COLGALT2: variants seen among roughly 807,000 people sequenced by gnomAD.
The protein encoded by COLGALT2 is procollagen galactosyltransferase 2.
Under a neutral mutation model 73.4 loss-of-function variants are expected in COLGALT2, and 49 were observed. That is an observed-to-expected ratio of 0.67 (90% CI 0.53 to 0.85). COLGALT2 has a LOEUF of 0.85. Ranked by LOEUF, COLGALT2 falls within the 40% of genes least tolerant of loss-of-function variation. COLGALT2 has a pLI of 0.00. For missense variants in COLGALT2, 722 were observed against 790.2 expected (o/e 0.91, Z 1.03); for synonymous variants, 295 against 307.6 (o/e 0.96, Z 0.43).
At chr1:183,958,863 T>TA (rs1670622110) in intron 6 of COLGALT2, among the ~76,000 whole-genome samples, 1 of 151,606 alleles carries the variant, frequency 6.6e-6, no homozygotes, top group Non-Finnish European at 1.5e-5. Flanking sequence ...TCTATTTTTT[T>TA]AAAAAAACAG....
chr1:183,952,451 T>G (rs1229244763), intron 7 of COLGALT2, among the ~76,000 whole-genome samples: 1 of 152,212 alleles, frequency 6.6e-6, no homozygotes, highest in Non-Finnish European at 1.5e-5. Flanking sequence ...ACAGGTGGTT[T>G]ATAATAAAGT....
At chr1:183,950,352 C>T (rs1284276773) in intron 8 of COLGALT2, among the ~76,000 whole-genome samples, 1 of 151,404 alleles carries the variant, frequency 6.6e-6, no homozygotes, top group Non-Finnish European at 1.5e-5. Flanking sequence ...TGGAGTTATG[C>T]AAATAGAAAA....
rs775167400 is a variant in COLGALT2, at chr1:183,951,092, G to A, written c.1051C>T (p.Arg351Cys). The change falls in exon 8 of 12, where the codon CGC (arginine) becomes TGC (cysteine). Residue 351 changes from arginine (R) to cysteine (C), a missense_variant. Transcript: ENST00000361927. ...ATCCGGTCCCGCCTGTCCTTTCTGC[G>A]TTTGAGGTTTATCATGAAAATCTAA... Reference protein sequence around the residue: ...FDEIFMINLKRRKDRRDRMLR... With the variant: ...FDEIFMINLKCRKDRRDRMLR... 3 of 1,613,226 alleles carry A rather than the reference G, an allele frequency of 1.9e-6. No individual in the cohort carries two copies. The highest frequency in any genetic ancestry group is 1.1e-5 in the South Asian group (1 of 90,994).
chr1:183,944,317 C>A lies in COLGALT2; in HGVS notation c.1276G>T (p.Asp426Tyr). 6.2e-7 allele frequency: 1 copy of A among 1,611,904 alleles called. No homozygotes were observed. The highest frequency in any genetic ancestry group is 1.7e-5 in the Admixed American group (1 of 59,512). Reference sequence around the variant, plus strand: ...ACAAGAGTCTTCTCTAGCTCTCGATCAATTACCTGCAAAAGTCATCAGTAG... The same window carrying A: ...ACAAGAGTCTTCTCTAGCTCTCGATAAATTACCTGCAAAAGTCATCAGTAG... ...SHYSVWKEVI[D>Y]RELEKTLVIE... Residue 426 changes from aspartate (D) to tyrosine (Y), a missense_variant, in exon 10 of 12, where the codon GAT becomes TAT. Coordinates refer to ENST00000361927, the MANE Select transcript of COLGALT2 (RefSeq NM_015101.4).
chr1:183,959,073 T>G (rs1241507695), intron 6 of COLGALT2, among the ~76,000 whole-genome samples: 2 of 152,136 alleles, frequency 1.3e-5, no homozygotes, highest in East Asian at 3.9e-4. Flanking sequence ...GACCTCTCTC[T>G]TGACAGAACC....
At chr1:183,953,552 G>C (rs144851175) in intron 7 of COLGALT2, among the ~76,000 whole-genome samples, 3 of 152,178 alleles carry the variant, frequency 2.0e-5, no homozygotes, top group African/African-American at 7.2e-5. Flanking sequence ...CTAGGGAACC[G>C]AGAGAGAGCT....
At chr1:184,024,188 T>C (rs1649259635) in intron 1 of COLGALT2, among the ~76,000 whole-genome samples, 1 of 152,056 alleles carries the variant, frequency 6.6e-6, no homozygotes, top group African/African-American at 2.4e-5. Context: ...GCAACCCTCA[T>C]TGTACAGGTA....
intron 6 of COLGALT2, among the ~76,000 whole-genome samples, chr1:183,959,234 A>G (rs1572638683): frequency 6.6e-6 from 1 of 152,136 alleles, no homozygotes; most frequent in Non-Finnish European, 1.5e-5. Flanking sequence ...CTTTTACTAC[A>G]TGAGTTCAGA....
intron 1 of COLGALT2, among the ~76,000 whole-genome samples, chr1:183,989,274 A>C (rs1671569751): frequency 6.6e-6 from 1 of 152,240 alleles, no homozygotes; most frequent in Non-Finnish European, 1.5e-5. Flanking sequence ...TGGGTGGAGC[A>C]GCTGAAACAG....
chr1:184,007,464 C>A (rs575860714), intron 1 of COLGALT2, among the ~76,000 whole-genome samples: 30 of 152,104 alleles, frequency 2.0e-4, no homozygotes, highest in Non-Finnish European at 3.7e-4. Context: ...TACATAAAAT[C>A]ATGGTATATC....
chr1:183,962,834 C>T (rs1272488750), intron 6 of COLGALT2, among the ~76,000 whole-genome samples: 1 of 152,210 alleles, frequency 6.6e-6, no homozygotes, highest in Non-Finnish European at 1.5e-5. Context: ...TTCAACCTGA[C>T]ATTTCTGTGC....
chr1:184,020,771 C>T (rs1649156311), intron 1 of COLGALT2, among the ~76,000 whole-genome samples: 1 of 152,170 alleles, frequency 6.6e-6, no homozygotes, highest in South Asian at 2.1e-4. Flanking sequence ...TACATCTGTA[C>T]CACCAGCATC....
At chr1:183,939,988 C>T (rs908466414) in intron 11 of COLGALT2, among the ~76,000 whole-genome samples, 5 of 152,168 alleles carry the variant, frequency 3.3e-5, no homozygotes, top group African/African-American at 1.2e-4. Context: ...TTTTGATAAG[C>T]GCTAGGTCAG....
intron 7 of COLGALT2, among the ~76,000 whole-genome samples, chr1:183,951,610 A>T (rs1335674955): frequency 1.3e-5 from 2 of 152,212 alleles, no homozygotes. Flanking sequence ...CTACAAAAAA[A>T]TTTAATAATA....
At chr1:184,012,739 C>G (rs1221142777) in intron 1 of COLGALT2, among the ~76,000 whole-genome samples, 1 of 152,224 alleles carries the variant, frequency 6.6e-6, no homozygotes, top group South Asian at 2.1e-4. Flanking sequence ...TTGATCCTAA[C>G]TTTGTAACCA....
At chr1:183,941,029 T>C (rs1039448773) in intron 10 of COLGALT2, among the ~76,000 whole-genome samples, 4 of 152,092 alleles carry the variant, frequency 2.6e-5, no homozygotes, top group African/African-American at 7.2e-5. Flanking sequence ...TAGTGGACGG[T>C]TTTCAAGACG....
intron 6 of COLGALT2, among the ~76,000 whole-genome samples, chr1:183,962,928 C>T (rs537458513): frequency 2.2e-4 from 33 of 152,332 alleles, no homozygotes; most frequent in African/African-American, 7.5e-4. Flanking sequence ...GGGGCTCCTG[C>T]CCACTTTCTA....
At chr1:184,015,309 C>A (rs1442320101) in intron 1 of COLGALT2, among the ~76,000 whole-genome samples, 1 of 152,166 alleles carries the variant, frequency 6.6e-6, no homozygotes, top group Non-Finnish European at 1.5e-5. Flanking sequence ...AAATACACAT[C>A]TATCCTGTTG....
chr1:183,955,382 A>G (rs1259145516), intron 6 of COLGALT2, among the ~76,000 whole-genome samples: 1 of 152,190 alleles, frequency 6.6e-6, no homozygotes, highest in African/African-American at 2.4e-5. Context: ...ACTGAAAAAC[A>G]CTTTTTTCTC....
Sources: gnomAD v4.1 joint callset for allele counts (sites outside exome capture counted in the v4.1 genomes callset) on GRCh38, gnomAD v4.1.1 for gene constraint, MANE v1.5 for transcripts, NCBI Gene and HGNC (gene_info 2026-07-23, HGNC 2026-07-21) for gene names.